Variants in ADAMTSL1 observed in about 807,000 individuals in gnomAD.
ADAMTSL1 encodes the protein ADAMTS-like protein 1.
A neutral mutation model predicts 201.8 loss-of-function variants in ADAMTSL1; 126 were observed. The observed-to-expected ratio is 0.62, with a 90% CI of 0.54 to 0.72. The LOEUF (loss-of-function observed/expected upper bound fraction) is 0.72. Ranked by LOEUF, ADAMTSL1 falls within the 30% of genes least tolerant of loss-of-function variation. The probability of loss-of-function intolerance (pLI) is 0.00; values close to 1 mark genes in which losing one functional copy is unlikely to be tolerated. For synonymous variants in ADAMTSL1, 1,121 were observed against 903.4 expected (o/e 1.24, Z -4.32); for missense variants, 2,679 against 2,277.8 (o/e 1.18, Z -3.59).
intron 1 of ADAMTSL1, among the ~76,000 whole-genome samples, chr9:17,934,865 T>C (rs1432213404): frequency 6.7e-6 from 1 of 150,000 alleles, no homozygotes; most frequent in Admixed American, 6.7e-5. Context: ...GATATTCTTC[T>C]AGTAATTCTT....
intron 1 of ADAMTSL1, among the ~76,000 whole-genome samples, chr9:18,049,677 G>A (rs1031845034): frequency 1.3e-5 from 2 of 150,152 alleles, no homozygotes; most frequent in Non-Finnish European, 3.0e-5. Flanking sequence ...AGGCTGCAGT[G>A]CAGCGGTGCC....
intron 2 of ADAMTSL1, among the ~76,000 whole-genome samples, chr9:18,518,859 C>T (rs1014982933): frequency 6.6e-6 from 1 of 152,132 alleles, no homozygotes; most frequent in Non-Finnish European, 1.5e-5. Context: ...AGGCATGCGC[C>T]ATGATACCTG....
intron 14 of ADAMTSL1, among the ~76,000 whole-genome samples, chr9:18,716,464 G>A (rs906254661): frequency 1.1e-4 from 17 of 152,160 alleles, no homozygotes; most frequent in Admixed American, 3.3e-4. Context: ...AGACATTTAT[G>A]CAGCCAAAAA....
intron 5 of ADAMTSL1, among the ~76,000 whole-genome samples, chr9:18,632,080 G>C (rs1471068044): frequency 1.3e-5 from 2 of 152,142 alleles, no homozygotes; most frequent in Non-Finnish European, 2.9e-5. Flanking sequence ...TGTGGCCCCT[G>C]CCTCGCCAGC....
At chr9:18,846,536 G>A (rs1260855698) in intron 23 of ADAMTSL1, among the ~76,000 whole-genome samples, 1 of 152,198 alleles carries the variant, frequency 6.6e-6, no homozygotes, top group Non-Finnish European at 1.5e-5. Flanking sequence ...CTGGTGCTCT[G>A]TAAGATATTT....
At chr9:18,293,090 T>A (rs555464995) in intron 2 of ADAMTSL1, among the ~76,000 whole-genome samples, 1 of 152,202 alleles carries the variant, frequency 6.6e-6, no homozygotes, top group East Asian at 1.9e-4. Context: ...GTGCCAGACA[T>A]GATCTTATTC....
intron 1 of ADAMTSL1, among the ~76,000 whole-genome samples, chr9:17,934,266 C>G (rs896879663): frequency 6.6e-6 from 1 of 152,146 alleles, no homozygotes; most frequent in Non-Finnish European, 1.5e-5. Flanking sequence ...GCATTTTACT[C>G]TCTAAGCTTT....
chr9:18,490,623 C>CA (rs1822223837), intron 1 of ADAMTSL1, among the ~76,000 whole-genome samples: 1 of 152,024 alleles, frequency 6.6e-6, no homozygotes, highest in Non-Finnish European at 1.5e-5. Flanking sequence ...TCAATCGGAG[C>CA]ACAGAGAGAA....
At position 18,079,175 on chromosome 9, in the gene ADAMTSL1, A is replaced by C. The variant is rs563666473; in HGVS notation, c.88-84687A>C. On this transcript the variant is annotated intron_variant, in intron 1 of 29. Coordinates refer to the ADAMTSL1 transcript ENST00000680146. ...CTCATTGTCTAGCAGTTCTCACCCC[A>C]AAAATCCTTCTTTTCTCAAAATGTA... 1.5e-3 allele frequency among the ~76,000 whole-genome samples: 233 copies of C among 152,242 alleles called. 7 individuals carry two copies. The South Asian group carries it at 0.048, about 31-fold the overall frequency.
intron 2 of ADAMTSL1, among the ~76,000 whole-genome samples, chr9:18,356,918 TAA>T (rs1435686139): frequency 1.3e-5 from 2 of 152,206 alleles, no homozygotes; most frequent in Non-Finnish European, 2.9e-5. Flanking sequence ...ATGCTGAGTT[TAA>T]AGTCCATCAC....
chr9:18,799,255 A>G (rs1319204480), intron 20 of ADAMTSL1, among the ~76,000 whole-genome samples: 1 of 152,218 alleles, frequency 6.6e-6, no homozygotes, highest in East Asian at 1.9e-4. Flanking sequence ...ACTTTGAAGT[A>G]TTAATTACTT....
Position 18,770,798 on chromosome 9 carries a change from G to T in ADAMTSL1, c.2397+17G>T, listed in dbSNP as rs202032597. ...TGGACAGAGGTATGTATGTTCCTCC[G>T]AAGAGAATGAAAGAGATCCAAGTAG... On this transcript the variant is annotated intron_variant, in intron 17 of 28. Transcript: ENST00000380548. 2 of 1,610,472 alleles carry T rather than the reference G, an allele frequency of 1.2e-6. No individual in the cohort carries two copies. Among genetic ancestry groups the T allele is most frequent in the Non-Finnish European group, 1.7e-6 (2 of 1,177,706 alleles).
chr9:18,629,925 AT>A (rs1403356150), intron 5 of ADAMTSL1, among the ~76,000 whole-genome samples: 1 of 152,124 alleles, frequency 6.6e-6, no homozygotes, highest in African/African-American at 2.4e-5. Context: ...TATAGTAACT[AT>A]TTTAATATCC....
At chr9:18,110,212 G>C (rs941065045) in intron 1 of ADAMTSL1, among the ~76,000 whole-genome samples, 1 of 152,150 alleles carries the variant, frequency 6.6e-6, no homozygotes, top group East Asian at 1.9e-4. Flanking sequence ...CCATTGGTTG[G>C]TCTCAAATGG....
intron 1 of ADAMTSL1, among the ~76,000 whole-genome samples, chr9:17,986,872 G>T (rs1339130558): frequency 1.3e-5 from 2 of 152,064 alleles, no homozygotes; most frequent in African/African-American, 2.4e-5. Flanking sequence ...CAGTTGGGGG[G>T]AGATTATAAA....
chr9:18,567,538 T>G (rs1821998108), intron 3 of ADAMTSL1, among the ~76,000 whole-genome samples: 1 of 152,124 alleles, frequency 6.6e-6, no homozygotes, highest in Non-Finnish European at 1.5e-5. Flanking sequence ...AGAACAGATT[T>G]CATGGGGATA....
intron 9 of ADAMTSL1, among the ~76,000 whole-genome samples, chr9:18,667,214 C>CT (rs555274457): frequency 0.018 from 2,473 of 139,578 alleles, 45 homozygotes; most frequent in African/African-American, 0.054. Flanking sequence ...TTTAAGTGAA[C>CT]TTTTTTTTTT....
At chr9:18,887,338 G>A (rs959250343) in intron 23 of ADAMTSL1, among the ~76,000 whole-genome samples, 1 of 152,156 alleles carries the variant, frequency 6.6e-6, no homozygotes, top group East Asian at 1.9e-4. Flanking sequence ...GTCTAAAATT[G>A]CTTTCCTAGT....
chr9:18,533,922 T>G (rs1319679468), intron 3 of ADAMTSL1, among the ~76,000 whole-genome samples: 1 of 152,190 alleles, frequency 6.6e-6, no homozygotes, highest in Non-Finnish European at 1.5e-5. Context: ...CTTGGAGGAC[T>G]GTGACTAGCC....
Sources: allele counts gnomAD v4.1 joint callset (sites outside exome capture counted in the v4.1 genomes callset), GRCh38; gene constraint gnomAD v4.1.1; transcripts MANE v1.5; gene names NCBI Gene and HGNC (gene_info 2026-07-23, HGNC 2026-07-21).